Variants in KIF3A observed in about 807,000 individuals in gnomAD.
KIF3A encodes the protein kinesin-like protein KIF3A.
In KIF3A, 27 loss-of-function variants were observed where a neutral mutation model predicts 92.6. The observed-to-expected ratio is 0.29, with a 90% CI of 0.21 to 0.40. The LOEUF (loss-of-function observed/expected upper bound fraction) is 0.40. Among genes scored for constraint, KIF3A ranks in the 10% least tolerant of loss-of-function variants. The pLI is 1.00. For synonymous variants in KIF3A, 250 were observed against 275.4 expected (o/e 0.91, Z 0.92); for missense variants, 581 against 872.6 (o/e 0.67, Z 4.21).
chr5:132,735,874 A>G (rs759785148), intron 1 of KIF3A, among the ~76,000 whole-genome samples: 1 of 152,184 alleles, frequency 6.6e-6, no homozygotes, highest in Non-Finnish European at 1.5e-5. Flanking sequence ...ATTTCACAAG[A>G]TATTCTGCCT....
intron 10 of KIF3A, among the ~76,000 whole-genome samples, chr5:132,708,220 T>C (rs1332062519): frequency 6.8e-6 from 1 of 147,210 alleles, no homozygotes; most frequent in Non-Finnish European, 1.5e-5. Context: ...AGGCGGAGCT[T>C]GCAGTGAGCC....
At chr5:132,710,391 T>C (rs751397813) in intron 9 of KIF3A, among the ~76,000 whole-genome samples, 9 of 152,078 alleles carry the variant, frequency 5.9e-5, no homozygotes, top group Non-Finnish European at 1.3e-4. Flanking sequence ...CCGAGGCAGA[T>C]GGATCATGAG....
chr5:132,735,355 A>G (rs1261053744), intron 1 of KIF3A, among the ~76,000 whole-genome samples: 3 of 152,206 alleles, frequency 2.0e-5, no homozygotes, highest in African/African-American at 7.2e-5. Context: ...GATTACAGGC[A>G]TGTGCCACCG....
intron 17 of KIF3A, 139 bp downstream of exon 17, chr5:132,700,077 T>C (rs1752980688): frequency 9.8e-6 from 6 of 609,628 alleles, no homozygotes; most frequent in Admixed American, 5.9e-5. Flanking sequence ...AGAGCCTTTA[T>C]TCCCAAAAGT....
At chr5:132,720,123 T>A (rs1753776133) in intron 5 of KIF3A, among the ~76,000 whole-genome samples, 1 of 152,190 alleles carries the variant, frequency 6.6e-6, no homozygotes, top group Admixed American at 6.5e-5. Context: ...ATTACAGGCA[T>A]GAGCCACTGT....
intron 5 of KIF3A, among the ~76,000 whole-genome samples, chr5:132,717,326 T>C (rs1268956723): frequency 6.6e-6 from 1 of 152,170 alleles, no homozygotes; most frequent in Non-Finnish European, 1.5e-5. Context: ...GAAGTATGCA[T>C]GCTGGTGTAC....
chr5:132,732,564 C>T (rs2149922919), intron 2 of KIF3A, among the ~76,000 whole-genome samples: 1 of 152,236 alleles, frequency 6.6e-6, no homozygotes, highest in South Asian at 2.1e-4. Flanking sequence ...ATCACAAGAT[C>T]AGGAGTTCAA....
chr5:132,708,802 T>C (rs979578450), intron 10 of KIF3A, 105 bp downstream of exon 10: 14 of 680,808 alleles, frequency 2.1e-5, no homozygotes, highest in Non-Finnish European at 3.6e-5. Flanking sequence ...ATCCAACATG[T>C]ATTCTTTAGG....
At chr5:132,691,876 C>T (rs10068370), downstream of KIF3A, among the ~76,000 whole-genome samples, 78,970 of 150,090 alleles carry the variant, frequency 0.53, 25,644 homozygotes, top group Non-Finnish European at 0.74. Context: ...CACTCCAGCC[C>T]GGGCAACAAG....
chr5:132,734,057 G>A (rs758060065), intron 2 of KIF3A, 148 bp downstream of exon 2: 6 of 658,886 alleles, frequency 9.1e-6, no homozygotes, highest in Middle Eastern at 4.3e-4. Context: ...AGGATGACAA[G>A]GGTGTTCTAA....
intron 18 of KIF3A, among the ~76,000 whole-genome samples, chr5:132,696,972 T>C (rs950108361): frequency 2.0e-5 from 3 of 152,230 alleles, no homozygotes; most frequent in Non-Finnish European, 2.9e-5. Context: ...CCAGGCCAAG[T>C]GAGCTGCATG....
intron 4 of KIF3A, among the ~76,000 whole-genome samples, chr5:132,722,728 T>C (rs1317297391): frequency 6.6e-6 from 1 of 152,204 alleles, no homozygotes; most frequent in Non-Finnish European, 1.5e-5. Context: ...GGAAGAATTG[T>C]GCTTTATTTC....
In KIF3A at chr5:132,726,531, A is replaced by T. The variant is rs117686416; in HGVS notation, c.281-33T>A. ...TGATGAAGAGAATCAGTTACTTCTT[A>T]AAGTCTAATGCTACAGAACAATAGC... On this transcript the variant is annotated intron_variant, in intron 2 of 18. Coordinates refer to ENST00000403231, the MANE Select transcript of KIF3A (RefSeq NM_001300791.2). 1,901 of 1,588,500 alleles carry T rather than the reference A, an allele frequency of 1.2e-3. 82 individuals carry two copies. In the East Asian group the frequency reaches 0.042, roughly 35 times the overall value.
At chr5:132,724,807 A>AAAAAATT (rs1554107349) in intron 4 of KIF3A, among the ~76,000 whole-genome samples, 9 of 30,104 alleles carry the variant, frequency 3.0e-4, no homozygotes, top group South Asian at 2.7e-3. Flanking sequence ...AAAAAAAAAA[A>AAAAAATT]TATATATATA....
chr5:132,710,855 T>C (rs2149901686), intron 9 of KIF3A, 104 bp downstream of exon 9: 2 of 1,474,894 alleles, frequency 1.4e-6, no homozygotes, highest in South Asian at 1.3e-5. Flanking sequence ...GTTCTAATTG[T>C]TATCTAATAT....
intron 4 of KIF3A, among the ~76,000 whole-genome samples, 151 bp downstream of exon 4, chr5:132,725,975 CCA>C (rs151226784): frequency 4.9e-3 from 746 of 152,174 alleles, no homozygotes; most frequent in African/African-American, 6.7e-3. Flanking sequence ...TAATTTATCC[CCA>C]GATATGTCTG....
At chr5:132,690,422 C>T (rs903672620), downstream of KIF3A, among the ~76,000 whole-genome samples, 9 of 151,950 alleles carry the variant, frequency 5.9e-5, no homozygotes, top group Non-Finnish European at 2.9e-5. Flanking sequence ...CACAAAATTA[C>T]AGCTAGATAG....
intron 10 of KIF3A, among the ~76,000 whole-genome samples, chr5:132,708,281 CAA>C (rs58058674): frequency 1.8e-4 from 12 of 66,462 alleles, no homozygotes; most frequent in African/African-American, 3.2e-4. Flanking sequence ...GACTCCGTCT[CAA>C]AAAAAAAAAA....
rs1195515069 is a variant in KIF3A at position 132,726,134 on chromosome 5, C to T, written c.504G>A (p.Arg168=). 8 of 1,606,808 alleles carry T rather than the reference C, an allele frequency of 5.0e-6. No homozygotes were observed. The highest frequency in any genetic ancestry group is 2.2e-5 in the East Asian group (1 of 44,814). ...CAATTTCAATTATCCTTACCTCTAA[C>T]CTTTGTGTCTGATCCTTGCCCAAAA... is the stretch of plus-strand genomic sequence containing the variant. The part of the protein sequence containing the change: ...RDLLGKDQTQ[R]LEVKERPDVG... The change falls in exon 4 of 19, where the codon AGG becomes AGA. Residue 168 remains arginine (R), a synonymous_variant. Transcript: ENST00000403231.
Sources: gnomAD v4.1 joint callset for allele counts (sites outside exome capture counted in the v4.1 genomes callset) on GRCh38, gnomAD v4.1.1 for gene constraint, MANE v1.5 for transcripts, NCBI Gene and HGNC (gene_info 2026-07-23, HGNC 2026-07-21) for gene names.